BAHCC1: variants seen among roughly 807,000 people sequenced by gnomAD.
The protein encoded by BAHCC1 is BAH domain and coiled-coil containing 1.
In BAHCC1, 43 loss-of-function variants were observed where a neutral mutation model predicts 88.2. The observed-to-expected ratio is 0.49, with a 90% CI of 0.38 to 0.63. The LOEUF (loss-of-function observed/expected upper bound fraction) is 0.63. Among genes scored for constraint, BAHCC1 ranks in the 20% least tolerant of loss-of-function variants. The pLI is 0.00. For missense variants in BAHCC1, 3,023 were observed against 1,654.8 expected (o/e 1.83, Z -14.34); for synonymous variants, 1,510 against 745.5 (o/e 2.03, Z -16.71).
intron 1 of BAHCC1, among the ~76,000 whole-genome samples, chr17:81,397,483 C>T (rs1179136655): frequency 3.9e-5 from 6 of 151,998 alleles, no homozygotes; most frequent in South Asian, 2.1e-4. Context: ...CCCCCGCGTG[C>T]GCAGCCCCCG....
At chr17:81,463,515 C>T in intron 27 of BAHCC1, 96 bp from the exon 28 acceptor site, 1 of 729,974 alleles carries the variant, frequency 1.4e-6, no homozygotes, top group South Asian at 1.5e-5. Context: ...ATCCGGTGAC[C>T]CTTACAGAGC....
At position 81,466,298 on chromosome 17, in the gene BAHCC1, G is replaced by A. The variant is rs1306213072; in HGVS notation, c.*2481G>A. 6.6e-6 allele frequency: 1 copy of A among 152,584 alleles called. No homozygotes were observed. The allele number at this position is 152,584 out of a possible 1,614,324, so 9.5% of individuals were successfully genotyped here. On this transcript the variant is annotated 3_prime_UTR_variant, in exon 28 of 28. Coordinates refer to ENST00000675386, the MANE Select transcript of BAHCC1 (RefSeq NM_001377448.1). The stretch of plus-strand genomic sequence containing the variant: ...GTATCAAATTTTTTATTGATAACTT[G>A]CTTAAGAATAAATATATGGACTATT...
At chr17:81,459,711 T>C (rs2030072616) in intron 23 of BAHCC1, 107 bp downstream of exon 23, 3 of 652,248 alleles carry the variant, frequency 4.6e-6, no homozygotes, top group South Asian at 3.0e-5. Flanking sequence ...CAGAACCAGC[T>C]CTCTGCTTAG....
chr17:81,418,159 T>G (rs1320469363), intron 2 of BAHCC1, among the ~76,000 whole-genome samples: 3 of 152,224 alleles, frequency 2.0e-5, no homozygotes, highest in Admixed American at 2.0e-4. Flanking sequence ...GAGGGAGCAG[T>G]GCTGGACAGA....
intron 2 of BAHCC1, among the ~76,000 whole-genome samples, chr17:81,421,518 G>A (rs1298558981): frequency 5.3e-5 from 8 of 152,150 alleles, no homozygotes; most frequent in South Asian, 2.1e-4. Flanking sequence ...CGGCAGTCCC[G>A]TCCCCCACAC....
At position 81,438,474 on chromosome 17, in the gene BAHCC1, T is replaced by C. The variant is rs782316675; in HGVS notation, c.463T>C (p.Phe155Leu). The change falls in exon 4 of 28, where the codon TTC becomes CTC. Residue 155 changes from phenylalanine (F) to leucine (L), a missense_variant. Phe to Leu is a conservative substitution (Grantham distance 22). Transcript: ENST00000675386. ...NSNVLYGQHR[F>L]YGTQKDNFYL... ...CAACGTTCTCTATGGGCAGCACCGT[T>C]TCTATGGAACCCAAAAAGGCAAGTG... 5 of 772,696 alleles carry C rather than the reference T, an allele frequency of 6.5e-6. No homozygotes were observed. The highest frequency in any genetic ancestry group is 5.5e-5 in the South Asian group (4 of 73,196). The allele number at this position is 772,696 out of a possible 1,614,324, so 47.9% of individuals were successfully genotyped here. A position where few individuals can be genotyped will look rare whatever the true frequency, so the allele number is the denominator to read the frequency against.
At position 81,458,290 on chromosome 17, in the gene BAHCC1, A is replaced by C. The variant is rs782125955; in HGVS notation, c.5167A>C (p.Lys1723Gln). The change falls in exon 18 of 28, where the codon AAA becomes CAA. Residue 1723 changes from lysine to glutamine, a missense_variant. Lys to Gln is a moderately conservative substitution (Grantham distance 53, BLOSUM62 1). Coordinates refer to ENST00000675386, the MANE Select transcript of BAHCC1 (RefSeq NM_001377448.1). Reference protein sequence around the residue: ...QRPPGALGKKKAKGKAKGSLR... With the variant: ...QRPPGALGKKQAKGKAKGSLR... ...GCCCCCAGGTGCGCTGGGCAAGAAG[A>C]AAGCCAAGGGCAAGGCCAAGGGCAG... is the stretch of plus-strand genomic sequence containing the variant. 4.5e-5 allele frequency: 34 copies of C among 749,984 alleles called. No individual in the cohort carries two copies. Among genetic ancestry groups the C allele is most frequent in the Non-Finnish European group, 7.7e-5 (31 of 404,196 alleles). 46.5% of individuals were successfully genotyped at this position (749,984 alleles called of 1,614,324 possible). A position where few individuals can be genotyped will look rare whatever the true frequency, so the allele number is the denominator to read the frequency against.
chr17:81,418,596 C>T (rs2064065450), intron 2 of BAHCC1, among the ~76,000 whole-genome samples: 1 of 152,156 alleles, frequency 6.6e-6, no homozygotes, highest in Non-Finnish European at 1.5e-5. Flanking sequence ...ACCTTTTGCA[C>T]AGCGGAGGCC....
chr17:81,425,694 CGATGTGGTTGGTGGTGATAGTGGTGGGT>C (rs2064181551), intron 2 of BAHCC1, among the ~76,000 whole-genome samples: 1 of 4,358 alleles, frequency 2.3e-4, no homozygotes, highest in African/African-American at 8.6e-4. Flanking sequence ...TGGTTGGTGG[CGATGTGGTTGGTGGTGATAGTGGTGGGT>C]GATGTGGTTG....
chr17:81,458,197 GTCAAGA>G lies in BAHCC1; in HGVS notation c.5081_5086del (p.Ile1694_Lys1695del). 1 of 726,342 alleles carries G rather than the reference GTCAAGA, an allele frequency of 1.4e-6. No individual in the cohort carries two copies. The highest frequency in any genetic ancestry group is 1.5e-5 in the South Asian group (1 of 68,142). The allele number at this position is 726,342 out of a possible 1,614,324, so 45.0% of individuals were successfully genotyped here. A position where few individuals can be genotyped will look rare whatever the true frequency, so the allele number is the denominator to read the frequency against. On this transcript the variant is annotated inframe_deletion, in exon 18 of 28. Coordinates refer to ENST00000675386, the MANE Select transcript of BAHCC1 (RefSeq NM_001377448.1). Reference sequence around the variant, plus strand: ...CCGCCTGTCCAGCCCTGAGAGTGAGGTCAAGATCAAGAGGCGGTCGGTGAAGGCCAA... The same window carrying G: ...CCGCCTGTCCAGCCCTGAGAGTGAGGTCAAGAGGCGGTCGGTGAAGGCCAA...
chr17:81,427,878 C>T (rs908067649), intron 3 of BAHCC1, among the ~76,000 whole-genome samples: 12 of 152,284 alleles, frequency 7.9e-5, no homozygotes, highest in East Asian at 3.9e-4. Flanking sequence ...CCACACACCA[C>T]GCCACCGCCC....
In BAHCC1 at chr17:81,445,198, T is replaced by C. The variant is rs2064501779; in HGVS notation, c.2835+20T>C. On this transcript the variant is annotated intron_variant, in intron 9 of 27. Coordinates refer to ENST00000675386, the MANE Select transcript of BAHCC1 (RefSeq NM_001377448.1). ...TTCCAGGTACCGCCCCTAGCCACGC[T>C]CACCTGGGCCGGGCACTTCTCCCCA... 1 of 754,246 alleles carries C rather than the reference T, an allele frequency of 1.3e-6. No homozygotes were observed. The highest frequency in any genetic ancestry group is 2.5e-6 in the Non-Finnish European group (1 of 406,376). The allele number at this position is 754,246 out of a possible 1,614,324, so 46.7% of individuals were successfully genotyped here.
intron 16 of BAHCC1, 53 bp from the exon 17 acceptor site, chr17:81,457,357 T>G (rs1258702603): frequency 4.1e-6 from 3 of 725,928 alleles, no homozygotes; most frequent in Non-Finnish European, 7.7e-6. Flanking sequence ...CCCCCACCTC[T>G]CAATGGCACA....
intron 27 of BAHCC1, 43 bp from the exon 28 acceptor site, chr17:81,463,568 T>C (rs1254075908): frequency 2.6e-6 from 2 of 775,426 alleles, no homozygotes; most frequent in African/African-American, 3.4e-5. Context: ...AGGGGCGCAC[T>C]GGCCAAGGCC....
rs1229919338 is a variant in BAHCC1, at chr17:81,464,657, A to C, written c.*840A>C. The C allele has an allele frequency of 6.6e-6, 1 of 152,484 alleles. No individual in the cohort carries two copies. Among genetic ancestry groups the C allele is most frequent in the Non-Finnish European group, 1.5e-5 (1 of 68,032 alleles). The allele number at this position is 152,484 out of a possible 1,614,324, so 9.4% of individuals were successfully genotyped here. On this transcript the variant is annotated 3_prime_UTR_variant, in exon 28 of 28. Transcript: ENST00000675386. ...CTCACCTGTGTTCAAAACAAGACAA[A>C]GACGAACAAATATTTTAAAGTATTG...
rs536049555 is a variant in BAHCC1, at chr17:81,451,601, C to T, written c.3977-67C>T. ...GGTGGCTTCAGGGGGCCAGGGCTGA[C>T]ATCAAGAGCCTGTGAGGGGCAGTGT... On this transcript the variant is annotated intron_variant, in intron 11 of 27. Transcript: ENST00000675386. The T allele has an allele frequency of 7.2e-6, 5 of 698,516 alleles. No individual in the cohort carries two copies. In the South Asian group the frequency reaches 7.7e-5, roughly 11 times the overall value. 43.3% of individuals were successfully genotyped at this position (698,516 alleles called of 1,614,324 possible). A position where few individuals can be genotyped will look rare whatever the true frequency, so the allele number is the denominator to read the frequency against.
chr17:81,459,643 C>G, intron 23 of BAHCC1, 39 bp downstream of exon 23: 1 of 778,348 alleles, frequency 1.3e-6, no homozygotes, highest in Non-Finnish European at 2.4e-6. Flanking sequence ...GCAGGCCCCT[C>G]TGAGACCCAC....
At chr17:81,462,588 C>T (rs1267503082) in intron 26 of BAHCC1, 152 bp from the exon 27 acceptor site, 12 of 594,440 alleles carry the variant, frequency 2.0e-5, no homozygotes, top group South Asian at 8.1e-5. Context: ...CCTTAAGCCG[C>T]GGTGCTGCGG....
chr17:81,455,521 G>C, intron 15 of BAHCC1, 131 bp downstream of exon 15: 1 of 611,008 alleles, frequency 1.6e-6, no homozygotes, highest in Non-Finnish European at 3.0e-6. Context: ...AGGCTGGGGA[G>C]CTCCGAGCGC....
Sources: gnomAD v4.1 joint callset for allele counts (sites outside exome capture counted in the v4.1 genomes callset) on GRCh38, gnomAD v4.1.1 for gene constraint, MANE v1.5 for transcripts, NCBI Gene and HGNC (gene_info 2026-07-23, HGNC 2026-07-21) for gene names.